LRMDA: variants seen among roughly 807,000 people sequenced by gnomAD.
The protein encoded by LRMDA is leucine-rich melanocyte differentiation-associated protein.
LRMDA carries 18 observed loss-of-function variants against 29.8 expected under a neutral mutation model. The observed-to-expected ratio is 0.60, with a 90% CI of 0.42 to 0.90. The LOEUF (loss-of-function observed/expected upper bound fraction) is 0.90. LRMDA is among the 40% of genes least tolerant of loss of function. LRMDA has a pLI of 0.00. For missense variants in LRMDA, 273 were observed against 273.9 expected (o/e 1.00, Z 0.02); for synonymous variants, 125 against 109.4 (o/e 1.14, Z -0.89).
chr10:75,691,155 CATAGATAT>C (rs1842148848), intron 2 of LRMDA, among the ~76,000 whole-genome samples: 1 of 91,140 alleles, frequency 1.1e-5, no homozygotes, highest in Non-Finnish European at 2.2e-5. Flanking sequence ...TATCTATATA[CATAGATAT>C]ATAGATCTAT....
intron 6 of LRMDA, among the ~76,000 whole-genome samples, chr10:76,473,418 G>A (rs1842637346): frequency 6.6e-6 from 1 of 151,430 alleles, no homozygotes; most frequent in Non-Finnish European, 1.5e-5. Context: ...TACTTAATGG[G>A]AAAAGATTGA....
At chr10:76,141,491 T>C (rs1248494834) in intron 5 of LRMDA, among the ~76,000 whole-genome samples, 2 of 152,158 alleles carry the variant, frequency 1.3e-5, no homozygotes, top group East Asian at 1.9e-4. Flanking sequence ...ATAGAACAAA[T>C]GAATTTAGAT....
At chr10:75,809,793 G>A (rs943008851) in intron 2 of LRMDA, among the ~76,000 whole-genome samples, 5 of 152,196 alleles carry the variant, frequency 3.3e-5, no homozygotes, top group African/African-American at 1.2e-4. Context: ...GCTTGCAAAG[G>A]GGCATGTGAA....
At chr10:75,547,546 G>A (rs890727297) in intron 2 of LRMDA, among the ~76,000 whole-genome samples, 1 of 152,234 alleles carries the variant, frequency 6.6e-6, no homozygotes, top group Admixed American at 6.5e-5. Flanking sequence ...TGTGGAATGT[G>A]TGTGTGTTTC....
At chr10:76,458,073 AGGCCATTTCACTT>A (rs1842475256) in intron 6 of LRMDA, among the ~76,000 whole-genome samples, 1 of 150,874 alleles carries the variant, frequency 6.6e-6, no homozygotes, top group Non-Finnish European at 1.5e-5. Context: ...ATCATTTTTT[AGGCCATTTCACTT>A]GGATCGAAGC....
chr10:76,158,355 C>T (rs147692443), intron 5 of LRMDA, among the ~76,000 whole-genome samples: 14 of 152,212 alleles, frequency 9.2e-5, no homozygotes, highest in South Asian at 4.2e-4. Flanking sequence ...TCTCTTCTTA[C>T]GTACTAATGG....
chr10:75,880,357 T>G (rs1309650748), intron 2 of LRMDA, among the ~76,000 whole-genome samples: 1 of 152,196 alleles, frequency 6.6e-6, no homozygotes, highest in Non-Finnish European at 1.5e-5. Flanking sequence ...TACTAAAAGG[T>G]CATTCAAAGA....
intron 2 of LRMDA, among the ~76,000 whole-genome samples, chr10:75,903,641 A>G (rs1845714137): frequency 6.6e-6 from 1 of 152,220 alleles, no homozygotes; most frequent in African/African-American, 2.4e-5. Flanking sequence ...AAAATGCCAG[A>G]GCCTCGAGAA....
At position 76,211,644 on chromosome 10, in the gene LRMDA, T is replaced by G. The variant is rs142859556; in HGVS notation, c.517-112757T>G. ...ACTTGCACAAGATAGGTTTTTAGGT[T>G]TTGCTAGGCTGACATGTACAGAATC... On this transcript the variant is annotated intron_variant, in intron 5 of 6. Transcript: ENST00000611255. Among the ~76,000 whole-genome samples, 839 of 152,358 alleles carry G rather than the reference T, an allele frequency of 5.5e-3. 8 individuals carry two copies. The highest frequency in any genetic ancestry group is 0.019 in the African/African-American group (792 of 41,582).
At chr10:76,119,827 C>A (rs532394467) in intron 5 of LRMDA, among the ~76,000 whole-genome samples, 1 of 152,134 alleles carries the variant, frequency 6.6e-6, no homozygotes, top group African/African-American at 2.4e-5. Flanking sequence ...CATGATGAAT[C>A]TCAATTTATG....
At chr10:75,796,358 T>A (rs76958006) in intron 2 of LRMDA, among the ~76,000 whole-genome samples, 24,510 of 152,138 alleles carry the variant, frequency 0.16, 2,141 homozygotes, top group Admixed American at 0.22. Flanking sequence ...GGAAGTTCCC[T>A]TATATTCCTA....
intron 5 of LRMDA, among the ~76,000 whole-genome samples, chr10:76,262,396 A>AT (rs1360445134): frequency 6.6e-6 from 1 of 152,154 alleles, no homozygotes; most frequent in Non-Finnish European, 1.5e-5. Flanking sequence ...TTTCTGAATG[A>AT]TTCTCCGTGA....
At chr10:76,117,653 T>C (rs1030425464) in intron 5 of LRMDA, among the ~76,000 whole-genome samples, 1 of 152,226 alleles carries the variant, frequency 6.6e-6, no homozygotes, top group African/African-American at 2.4e-5. Flanking sequence ...GAGTGAGTTA[T>C]ATAAAATACA....
intron 6 of LRMDA, among the ~76,000 whole-genome samples, chr10:76,460,013 G>A (rs1456810611): frequency 6.6e-6 from 1 of 152,136 alleles, no homozygotes; most frequent in Non-Finnish European, 1.5e-5. Flanking sequence ...GTCCCTATGG[G>A]GAAGATAGAA....
At chr10:75,686,451 C>A (rs1358825196) in intron 2 of LRMDA, among the ~76,000 whole-genome samples, 1 of 152,192 alleles carries the variant, frequency 6.6e-6, no homozygotes, top group African/African-American at 2.4e-5. Flanking sequence ...GTTCATAAGA[C>A]TGACTTAATG....
chr10:76,393,871 C>G (rs190343752), intron 6 of LRMDA, among the ~76,000 whole-genome samples: 3 of 152,158 alleles, frequency 2.0e-5, no homozygotes, highest in East Asian at 1.9e-4. Flanking sequence ...TTTTTTTCTT[C>G]TGTTGTGGAT....
At chr10:76,363,219 GAAAGAAA>G (rs1564520767) in intron 6 of LRMDA, among the ~76,000 whole-genome samples, 7 of 11,112 alleles carry the variant, frequency 6.3e-4, no homozygotes, top group African/African-American at 1.6e-3. Context: ...GGAAGGAAGA[GAAAGAAA>G]GAAAGAAAGA....
intron 2 of LRMDA, among the ~76,000 whole-genome samples, chr10:75,951,478 T>C (rs1846572955): frequency 6.6e-6 from 1 of 152,040 alleles, no homozygotes; most frequent in Non-Finnish European, 1.5e-5. Context: ...GGGAAGAGCT[T>C]TAGATTCTTT....
intron 2 of LRMDA, among the ~76,000 whole-genome samples, chr10:75,644,191 T>C (rs1841487856): frequency 6.6e-6 from 1 of 152,164 alleles, no homozygotes; most frequent in Non-Finnish European, 1.5e-5. Flanking sequence ...AAAAAGCTTT[T>C]TCCTTGCTGG....
Sources: allele counts gnomAD v4.1 joint callset (sites outside exome capture counted in the v4.1 genomes callset), GRCh38; gene constraint gnomAD v4.1.1; transcripts MANE v1.5; gene names NCBI Gene and HGNC (gene_info 2026-07-23, HGNC 2026-07-21).